The following SDCCAG8 variants were observed in gnomAD, a reference collection of about 807,000 sequenced individuals.
The protein encoded by SDCCAG8 is SHH signaling and ciliogenesis regulator SDCCAG8.
In SDCCAG8, 74 loss-of-function variants were observed where a neutral mutation model predicts 101.8. The observed-to-expected ratio is 0.73, with a 90% CI of 0.60 to 0.88. SDCCAG8 has a LOEUF of 0.88. SDCCAG8 is among the 40% of genes least tolerant of loss of function. SDCCAG8 has a pLI of 0.00. For synonymous variants in SDCCAG8, 281 were observed against 292.9 expected, an observed-to-expected ratio of 0.96 and a Z score of 0.41; for missense variants, 787 against 822.6, an observed-to-expected ratio of 0.96 and a Z score of 0.53.
chr1:243,407,640 ATTT>A (rs2079879066), intron 13 of SDCCAG8, among the ~76,000 whole-genome samples: 1 of 152,146 alleles, frequency 6.6e-6, no homozygotes, highest in Non-Finnish European at 1.5e-5. Context: ...AGGGAAAATT[ATTT>A]TTAGAGATGT....
At chr1:243,382,485 G>T (rs560270400) in intron 13 of SDCCAG8, among the ~76,000 whole-genome samples, 1 of 152,254 alleles carries the variant, frequency 6.6e-6, no homozygotes, top group African/African-American at 2.4e-5. Context: ...AAGTTTGATT[G>T]GAAAATGCTA....
At position 243,489,822 on chromosome 1, in the gene SDCCAG8, C is replaced by G. The variant is rs1398095722; in HGVS notation, c.2112+682C>G. The stretch of plus-strand genomic sequence containing the variant: ...CCTGACTCCACAGCCCAGGCTTTCC[C>G]CATTCAGGTTAGATCCGGGGCCACC... On this transcript the variant is annotated intron_variant, in intron 17 of 17. Transcript: ENST00000366541. Among the ~76,000 whole-genome samples, 3 of 152,302 alleles carry G rather than the reference C, an allele frequency of 2.0e-5. No individual in the cohort carries two copies. The South Asian group carries it at 6.2e-4, about 32-fold the overall frequency.
intron 12 of SDCCAG8, among the ~76,000 whole-genome samples, chr1:243,368,722 G>C (rs768571037): frequency 1.3e-5 from 2 of 152,138 alleles, no homozygotes; most frequent in Non-Finnish European, 2.9e-5. Context: ...GCTGAGTGAG[G>C]GGGAAGAGCG....
intron 4 of SDCCAG8, among the ~76,000 whole-genome samples, chr1:243,282,883 A>G (rs933636768): frequency 2.0e-5 from 3 of 151,950 alleles, no homozygotes; most frequent in African/African-American, 4.8e-5. Context: ...GTCTCGCTCT[A>G]TAGCACAGGC....
intron 16 of SDCCAG8, among the ~76,000 whole-genome samples, chr1:243,484,722 ACC>A (rs1294654599): frequency 6.6e-6 from 1 of 151,854 alleles, no homozygotes; most frequent in Admixed American, 6.6e-5. Context: ...TTCTTGATGG[ACC>A]CCCAGGTCTT....
intron 13 of SDCCAG8, among the ~76,000 whole-genome samples, chr1:243,381,458 G>A (rs2077949621): frequency 6.6e-6 from 1 of 152,028 alleles, no homozygotes; most frequent in African/African-American, 2.4e-5. Context: ...AGGCATGGTG[G>A]TGCACCTATA....
At chr1:243,459,357 C>G (rs1317052786) in intron 16 of SDCCAG8, among the ~76,000 whole-genome samples, 2 of 152,108 alleles carry the variant, frequency 1.3e-5, no homozygotes, top group Admixed American at 6.6e-5. Context: ...ATCTTTCTGC[C>G]TCTAAAGAGA....
intron 13 of SDCCAG8, among the ~76,000 whole-genome samples, chr1:243,383,712 C>CTA (rs1335725649): frequency 2.0e-5 from 3 of 152,104 alleles, no homozygotes; most frequent in African/African-American, 7.2e-5. Context: ...GACTCTGTTG[C>CTA]TATACTCTGA....
rs148998811 is a variant in SDCCAG8, at chr1:243,456,402, C to T, written c.1985+29844C>T. On this transcript the variant is annotated intron_variant, in intron 16 of 17. Transcript: ENST00000366541. ...GGGACACTTCTGGGGATTAGTTTAA[C>T]GAAGCTGTACAAATATAGTCAGATG... Among the ~76,000 whole-genome samples, 511 of 152,140 alleles carry T rather than the reference C, an allele frequency of 3.4e-3. 3 individuals are homozygous for T. The highest frequency in any genetic ancestry group is 0.012 in the African/African-American group (503 of 41,480).
intron 2 of SDCCAG8, 39 bp downstream of exon 2, chr1:243,270,296 G>A (rs1464261622): frequency 5.0e-6 from 8 of 1,590,914 alleles, no homozygotes; most frequent in Admixed American, 3.4e-5. Flanking sequence ...ATGATGCATA[G>A]TGAATTTTTT....
intron 16 of SDCCAG8, among the ~76,000 whole-genome samples, chr1:243,476,793 GAAGA>G: frequency 6.6e-6 from 1 of 152,302 alleles, no homozygotes. Flanking sequence ...TCTGGAGTGG[GAAGA>G]AAGGAACATT....
intron 8 of SDCCAG8, among the ~76,000 whole-genome samples, chr1:243,311,398 G>A (rs2149324082): frequency 6.6e-6 from 1 of 152,068 alleles, no homozygotes; most frequent in Non-Finnish European, 1.5e-5. Context: ...TCATAGATAT[G>A]CACAGAAAAA....
At chr1:243,259,210 G>C (rs1023885002) in intron 1 of SDCCAG8, among the ~76,000 whole-genome samples, 4 of 151,640 alleles carry the variant, frequency 2.6e-5, no homozygotes, top group Non-Finnish European at 5.9e-5. Flanking sequence ...GACCAGCCTG[G>C]CTAACACGGT....
In SDCCAG8 at chr1:243,300,249, A is replaced by G. The variant is rs192629548; in HGVS notation, c.676-4464A>G. Among the ~76,000 whole-genome samples, 237 of 152,158 alleles carry G rather than the reference A, an allele frequency of 1.6e-3. 3 individuals carry two copies. The highest frequency in any genetic ancestry group is 5.4e-3 in the African/African-American group (223 of 41,504). ...AGTACCAGTATTCACTTGATTGCTC[A>G]CTTCAGAAACCCAGGATTATTTTTA... On this transcript the variant is annotated intron_variant, in intron 6 of 17. Coordinates refer to ENST00000366541, the MANE Select transcript of SDCCAG8 (RefSeq NM_006642.5).
At chr1:243,330,722 T>C in intron 10 of SDCCAG8, 30 bp downstream of exon 10, 1 of 1,612,854 alleles carries the variant, frequency 6.2e-7, no homozygotes, top group African/African-American at 1.3e-5. Flanking sequence ...TTATCCACAT[T>C]GCAGAAGAAA....
intron 16 of SDCCAG8, among the ~76,000 whole-genome samples, chr1:243,468,001 G>A (rs954323570): frequency 7.2e-5 from 11 of 152,118 alleles, no homozygotes; most frequent in Non-Finnish European, 1.3e-4. Flanking sequence ...GTAGCTCTAC[G>A]TGAGTTCCAC....
intron 9 of SDCCAG8, among the ~76,000 whole-genome samples, chr1:243,328,546 G>A (rs1409369570): frequency 6.6e-6 from 1 of 152,134 alleles, no homozygotes; most frequent in Admixed American, 6.5e-5. Context: ...CAAAGTGCTG[G>A]GATTACAGGC....
At chr1:243,256,877 T>C in intron 1 of SDCCAG8, among the ~76,000 whole-genome samples, 1 of 152,376 alleles carries the variant, frequency 6.6e-6, no homozygotes, top group Middle Eastern at 3.4e-3. Context: ...AATCAAGCCA[T>C]AATTACTATT....
intron 15 of SDCCAG8, among the ~76,000 whole-genome samples, chr1:243,418,928 C>T (rs1370719555): frequency 6.6e-6 from 1 of 152,128 alleles, no homozygotes; most frequent in Admixed American, 6.6e-5. Flanking sequence ...TTCTTTTCTG[C>T]ATTTTTCTGA....
Sources: allele counts gnomAD v4.1 joint callset (sites outside exome capture counted in the v4.1 genomes callset), GRCh38; gene constraint gnomAD v4.1.1; transcripts MANE v1.5; gene names NCBI Gene and HGNC (gene_info 2026-07-23, HGNC 2026-07-21).